Variants in ZC3H12C observed in about 807,000 individuals in gnomAD.
ZC3H12C encodes the protein probable ribonuclease ZC3H12C.
A neutral mutation model predicts 76.3 loss-of-function variants in ZC3H12C; 20 were observed. That is an observed-to-expected ratio of 0.26 (90% CI 0.18 to 0.38). The LOEUF is 0.38. Among genes scored for constraint, ZC3H12C ranks in the 10% least tolerant of loss-of-function variants. The probability of loss-of-function intolerance (pLI) is 1.00; values close to 1 mark genes in which losing one functional copy is unlikely to be tolerated. For synonymous variants in ZC3H12C, 352 were observed against 399.6 expected (o/e 0.88, Z 1.42); for missense variants, 874 against 1,086.5 (o/e 0.80, Z 2.75).
At chr11:110,146,280 G>A (rs774616339) in intron 2 of ZC3H12C, among the ~76,000 whole-genome samples, 1 of 152,228 alleles carries the variant, frequency 6.6e-6, no homozygotes, top group East Asian at 1.9e-4. Flanking sequence ...GAGCCGTCGC[G>A]CCCGGCCCCG....
chr11:110,123,592 G>A (rs1458606114), intron 1 of ZC3H12C, among the ~76,000 whole-genome samples: 2 of 152,106 alleles, frequency 1.3e-5, no homozygotes, highest in Admixed American at 6.6e-5. Context: ...TAAGAATTTT[G>A]ACTTTGAGGA....
At chr11:110,125,961 C>G (rs890748327) in intron 1 of ZC3H12C, among the ~76,000 whole-genome samples, 1 of 152,138 alleles carries the variant, frequency 6.6e-6, no homozygotes, top group Non-Finnish European at 1.5e-5. Context: ...CATCTCTGAC[C>G]TGAAGGCTTG....
At chr11:110,130,405 C>A (rs1441420533) in intron 1 of ZC3H12C, among the ~76,000 whole-genome samples, 4 of 152,096 alleles carry the variant, frequency 2.6e-5, no homozygotes, top group Non-Finnish European at 4.4e-5. Flanking sequence ...TGTCTTGCAA[C>A]AAATTAACAA....
intron 4 of ZC3H12C, among the ~76,000 whole-genome samples, chr11:110,159,729 T>G (rs1862444225): frequency 6.6e-6 from 1 of 152,062 alleles, no homozygotes; most frequent in South Asian, 2.1e-4. Context: ...ACACCTAAGG[T>G]AGAGGAAGTC....
intron 3 of ZC3H12C, among the ~76,000 whole-genome samples, chr11:110,156,020 G>A (rs1349451463): frequency 6.6e-6 from 1 of 152,110 alleles, no homozygotes; most frequent in Non-Finnish European, 1.5e-5. Context: ...GTGTAAGTGT[G>A]TCTAAGTTTA....
chr11:110,136,972 G>A lies in ZC3H12C; in HGVS notation c.331G>A (p.Gly111Ser), dbSNP rs1236620550. ...EQLGSISVEP[G>S]LITKTHRQLC... ...ATTGGGTAGCATTTCAGTAGAGCCA[G>A]GCTTGATAACTAAGACTCACAGACA... Residue 111 changes from glycine to serine, a missense_variant, in exon 2 of 6, where the codon GGC (glycine) becomes AGC (serine). Transcript: ENST00000278590. 1 of 1,613,732 alleles carries A rather than the reference G, an allele frequency of 6.2e-7. No individual in the cohort carries two copies. The highest frequency in any genetic ancestry group is 2.2e-5 in the East Asian group (1 of 44,884).
intron 2 of ZC3H12C, among the ~76,000 whole-genome samples, chr11:110,148,976 A>G (rs1444781168): frequency 6.6e-6 from 1 of 152,212 alleles, no homozygotes; most frequent in Non-Finnish European, 1.5e-5. Flanking sequence ...TATTGTATCT[A>G]GCACGTATGA....
chr11:110,141,114 A>G (rs527404887), intron 2 of ZC3H12C, among the ~76,000 whole-genome samples: 1 of 152,352 alleles, frequency 6.6e-6, no homozygotes, highest in South Asian at 2.1e-4. Context: ...AAAGAGTCAT[A>G]TTGGAAAACA....
Position 110,120,359 on chromosome 11 carries a change from C to T in ZC3H12C, c.22-16304C>T, listed in dbSNP as rs79106619. The stretch of plus-strand genomic sequence containing the variant: ...ACCTAAACAAAGCCCATCTAACAGT[C>T]ATATTTTCTCTATAAGGCACATCAC... On this transcript the variant is annotated intron_variant, in intron 1 of 5. Coordinates refer to ENST00000278590, the MANE Select transcript of ZC3H12C (RefSeq NM_033390.2). 3.5e-4 allele frequency among the ~76,000 whole-genome samples: 54 copies of T among 152,298 alleles called. No individual in the cohort carries two copies. The East Asian group carries it at 9.1e-3, about 26-fold the overall frequency.
At chr11:110,144,586 T>A (rs548838727) in intron 2 of ZC3H12C, among the ~76,000 whole-genome samples, 1 of 152,294 alleles carries the variant, frequency 6.6e-6, no homozygotes, top group Non-Finnish European at 1.5e-5. Flanking sequence ...AGATGATTTG[T>A]GAAAAAGACT....
intron 1 of ZC3H12C, among the ~76,000 whole-genome samples, chr11:110,096,674 A>C (rs1287310236): frequency 1.3e-5 from 2 of 152,258 alleles, no homozygotes; most frequent in Non-Finnish European, 2.9e-5. Context: ...TTCTCTAAAA[A>C]GTGTGTCATC....
intron 1 of ZC3H12C, among the ~76,000 whole-genome samples, chr11:110,121,543 AG>A (rs1861650774): frequency 6.6e-6 from 1 of 152,190 alleles, no homozygotes; most frequent in South Asian, 2.1e-4. Flanking sequence ...TCTAAAGAAA[AG>A]TTTTGTTATA....
chr11:110,117,346 A>T (rs906007510), intron 1 of ZC3H12C, among the ~76,000 whole-genome samples: 3 of 152,156 alleles, frequency 2.0e-5, no homozygotes, highest in Non-Finnish European at 2.9e-5. Context: ...CTAATAGATC[A>T]TTTTAATGTA....
intron 4 of ZC3H12C, among the ~76,000 whole-genome samples, chr11:110,162,361 A>T (rs951736488): frequency 6.6e-6 from 1 of 152,226 alleles, no homozygotes; most frequent in African/African-American, 2.4e-5. Context: ...TAGTGTTACC[A>T]TATTGTTTTG....
intron 1 of ZC3H12C, among the ~76,000 whole-genome samples, chr11:110,124,601 T>C (rs929027830): frequency 5.9e-5 from 9 of 152,312 alleles, no homozygotes; most frequent in Middle Eastern, 3.4e-3. Context: ...AAATAAGTCT[T>C]GAGCTGGGCT....
intron 1 of ZC3H12C, chr11:110,130,860 A>G (rs1482086167): frequency 5.0e-6 from 3 of 605,970 alleles, no homozygotes; most frequent in Non-Finnish European, 8.6e-6. Flanking sequence ...TATCTTAGAA[A>G]CCTACGAACC....
chr11:110,163,249 A>AT lies in ZC3H12C; in HGVS notation c.1149-17dup, dbSNP rs766702557. 9 of 1,575,798 alleles carry AT rather than the reference A, an allele frequency of 5.7e-6. No individual in the cohort carries two copies. In the African/African-American group the frequency reaches 6.8e-5, roughly 12 times the overall value. ...ATTATCAGCCTCCTACTTAGGTATC[A>AT]TTTTTTTATTATCTCCATGACAGGT... is the stretch of plus-strand genomic sequence containing the variant. On this transcript the variant is annotated intron_variant, in intron 4 of 5. Transcript: ENST00000278590.
chr11:110,122,180 CAGAG>C (rs1453334249), intron 1 of ZC3H12C, among the ~76,000 whole-genome samples: 1 of 152,164 alleles, frequency 6.6e-6, no homozygotes, highest in Non-Finnish European at 1.5e-5. Flanking sequence ...CTGAGGATGT[CAGAG>C]AGCGTGGCAT....
At chr11:110,132,910 G>A (rs77677168) in intron 1 of ZC3H12C, among the ~76,000 whole-genome samples, 2 of 151,990 alleles carry the variant, frequency 1.3e-5, no homozygotes, top group African/African-American at 4.8e-5. Flanking sequence ...ATTTTGTGTT[G>A]TTAATGGTCT....
Sources: allele counts gnomAD v4.1 joint callset (sites outside exome capture counted in the v4.1 genomes callset), GRCh38; gene constraint gnomAD v4.1.1; transcripts MANE v1.5; gene names NCBI Gene and HGNC (gene_info 2026-07-23, HGNC 2026-07-21).